The following CCDC7 variants were observed in gnomAD, a reference collection of about 807,000 sequenced individuals.
CCDC7 encodes the protein coiled-coil domain-containing protein 7.
CCDC7 carries 183 observed loss-of-function variants against 196.9 expected under a neutral mutation model. The ratio of observed to expected loss-of-function variants is 0.93; its 90% CI spans 0.82 to 1.05. CCDC7 has a LOEUF of 1.05. Among genes scored for constraint, CCDC7 ranks in the 50% least tolerant of loss-of-function variants. The pLI, the probability that CCDC7 is intolerant of heterozygous loss-of-function variation, is 0.00. For missense variants in CCDC7, 1,540 were observed against 1,482.2 expected (o/e 1.04, Z -0.64); for synonymous variants, 525 against 484.6 (o/e 1.08, Z -1.10).
intron 21 of CCDC7, among the ~76,000 whole-genome samples, chr10:32,676,849 A>T (rs1262175431): frequency 6.6e-6 from 1 of 152,186 alleles, no homozygotes; most frequent in East Asian, 1.9e-4. Context: ...ATACCATTTG[A>T]CCTAGCCATC....
chr10:32,635,799 C>G (rs1054253896), intron 20 of CCDC7, among the ~76,000 whole-genome samples: 1 of 151,752 alleles, frequency 6.6e-6, no homozygotes, highest in Non-Finnish European at 1.5e-5. Flanking sequence ...TTGCATGAAG[C>G]TCATAGTTGT....
rs550494534 is a variant in CCDC7 at position 32,498,597 on chromosome 10, G to A, written c.872+6600G>A. On this transcript the variant is annotated intron_variant, in intron 9 of 41. Transcript: ENST00000639629. ...GGCCTGGTGGTGACAAAATCTCTCA[G>A]CATTTGCTTGTCTGTAAAGTATTTT... 2.6e-5 allele frequency among the ~76,000 whole-genome samples: 4 copies of A among 152,214 alleles called. No individual in the cohort carries two copies. In the South Asian group the frequency reaches 8.3e-4, roughly 32 times the overall value.
intron 17 of CCDC7, among the ~76,000 whole-genome samples, 196 bp downstream of exon 18, chr10:32,583,503 C>G (rs1426013607): frequency 6.6e-6 from 1 of 151,904 alleles, no homozygotes; most frequent in Non-Finnish European, 1.5e-5. Context: ...ATATTCTTAA[C>G]TTATAAAAAT....
chr10:32,454,837 A>T (rs2033950381), intron 2 of CCDC7, among the ~76,000 whole-genome samples: 1 of 152,058 alleles, frequency 6.6e-6, no homozygotes, highest in South Asian at 2.1e-4. Flanking sequence ...TGTCTTTCCC[A>T]CTCAGTCTGT....
chr10:32,732,759 G>A (rs1461221939), intron 28 of CCDC7, among the ~76,000 whole-genome samples: 1 of 152,036 alleles, frequency 6.6e-6, no homozygotes, highest in African/African-American at 2.4e-5. Flanking sequence ...CCACCTACAT[G>A]TAGCATTACC....
intron 13 of CCDC7, among the ~76,000 whole-genome samples, chr10:32,564,818 A>G (rs984662112): frequency 6.6e-6 from 1 of 151,812 alleles, no homozygotes; most frequent in East Asian, 1.9e-4. Flanking sequence ...AAAAGAATCT[A>G]CCTACACTTG....
chr10:32,779,084 G>A (rs1045137650), exon 29 of CCDC7: 22 of 1,532,554 alleles, frequency 1.4e-5, no homozygotes, highest in South Asian at 4.8e-5. Flanking sequence ...CAAAGTGGTC[G>A]GTAAGTATAG....
chr10:32,876,243 T>G (rs1416217265), intron 41 of CCDC7, 104 bp from the exon 43 acceptor site: 1 of 803,216 alleles, frequency 1.2e-6, no homozygotes, highest in African/African-American at 1.8e-5. Context: ...ATTGTTTATA[T>G]TATTCATACA....
At chr10:32,539,420 G>C (rs768207980) in intron 11 of CCDC7, among the ~76,000 whole-genome samples, 1 of 151,688 alleles carries the variant, frequency 6.6e-6, no homozygotes, top group East Asian at 1.9e-4. Flanking sequence ...TCTTCTCTCT[G>C]TTTTTATTTG....
intron 16 of CCDC7, among the ~76,000 whole-genome samples, chr10:32,582,424 A>G (rs543153403): frequency 1.2e-3 from 184 of 152,052 alleles, no homozygotes; most frequent in African/African-American, 4.0e-3. Context: ...ATATAGTTTG[A>G]TCACTTAAAT....
In CCDC7 at chr10:32,568,029, A is replaced by G. The variant is rs1159912223; in HGVS notation, c.1419+138A>G. The G allele has an allele frequency of 7.6e-6, 6 of 790,672 alleles. No individual in the cohort carries two copies. In the East Asian group the frequency reaches 1.3e-4, roughly 17 times the overall value. 49.0% of individuals were successfully genotyped at this position (790,672 alleles called of 1,614,324 possible). ...GGGTTTTTTTTTTTTTTTTTTTGAG[A>G]TGGAGTCTTGCTCTGTCGCCAGGCT... On this transcript the variant is annotated intron_variant, in intron 15 of 41. Transcript: ENST00000639629.
intron 14 of CCDC7, among the ~76,000 whole-genome samples, chr10:32,567,177 T>G (rs928824035): frequency 6.7e-6 from 1 of 148,688 alleles, no homozygotes; most frequent in Admixed American, 6.8e-5. Flanking sequence ...ATTTATGAAT[T>G]TTCTTTTTAT....
chr10:32,565,568 G>C (rs145774668), exon 14 of CCDC7: 1 of 1,608,330 alleles, frequency 6.2e-7, no homozygotes. Context: ...AAAGTAGCAC[G>C]TCTGGAAATT....
At chr10:32,707,891 A>G (rs866064014) in intron 24 of CCDC7, among the ~76,000 whole-genome samples, 3 of 152,222 alleles carry the variant, frequency 2.0e-5, no homozygotes, top group Non-Finnish European at 2.9e-5. Flanking sequence ...AAATGGCCAT[A>G]CTGCCCAAGG....
At chr10:32,876,510 T>G (rs192832449), downstream of CCDC7, 225 of 979,910 alleles carry the variant, frequency 2.3e-4, 2 homozygotes, top group African/African-American at 3.4e-3. Context: ...ATGGTGCTTA[T>G]TGAAAAACAG....
intron 2 of CCDC7, among the ~76,000 whole-genome samples, chr10:32,454,295 A>G (rs1052300501): frequency 3.9e-5 from 6 of 152,198 alleles, no homozygotes; most frequent in African/African-American, 7.2e-5. Context: ...TAAAAGGACT[A>G]TGTAATCACA....
intron 24 of CCDC7, among the ~76,000 whole-genome samples, chr10:32,705,295 C>T (rs750244484): frequency 6.6e-5 from 10 of 152,048 alleles, no homozygotes; most frequent in Admixed American, 4.6e-4. Flanking sequence ...ACCAGGCCTG[C>T]CTTACAAAAG....
At position 32,824,704 on chromosome 10, in the gene CCDC7, C is replaced by T. The variant is rs145337744; in HGVS notation, c.3268+100C>T. 265 of 670,226 alleles carry T rather than the reference C, an allele frequency of 4.0e-4. 1 individual carries two copies. In the African/African-American group the frequency reaches 4.0e-3, roughly 10 times the overall value. The allele number at this position is 670,226 out of a possible 1,614,324, so 41.5% of individuals were successfully genotyped here. ...CAACAGTACCTATATGTAATTATCA[C>T]GTGAGAAAAAGTCTTCATGAATTTC... On this transcript the variant is annotated intron_variant, in intron 32 of 41. Transcript: ENST00000639629.
chr10:32,803,311 A>G (rs12262599), intron 29 of CCDC7, among the ~76,000 whole-genome samples: 16,010 of 152,224 alleles, frequency 0.11, 1,040 homozygotes, highest in South Asian at 0.25. Context: ...TTTTCTGTCT[A>G]GATGATATCC....
Sources: allele counts gnomAD v4.1 joint callset (sites outside exome capture counted in the v4.1 genomes callset), GRCh38; gene constraint gnomAD v4.1.1; transcripts MANE v1.5; gene names NCBI Gene and HGNC (gene_info 2026-07-23, HGNC 2026-07-21).